CCAR1: variants seen among roughly 807,000 people sequenced by gnomAD.
The protein encoded by CCAR1 is cell division cycle and apoptosis regulator protein 1.
Under a neutral mutation model 163.8 loss-of-function variants are expected in CCAR1, and 78 were observed. The ratio of observed to expected loss-of-function variants is 0.48; its 90% CI spans 0.40 to 0.57. The LOEUF is 0.57. Among genes scored for constraint, CCAR1 ranks in the 20% least tolerant of loss-of-function variants. The pLI, the probability that CCAR1 is intolerant of heterozygous loss-of-function variation, is 0.00. For missense variants in CCAR1, 1,019 were observed against 1,365.2 expected, an observed-to-expected ratio of 0.75 and a Z score of 4.00; for synonymous variants, 443 against 460.7, an observed-to-expected ratio of 0.96 and a Z score of 0.49.
intron 18 of CCAR1, 126 bp from the exon 19 acceptor site, chr10:68,772,862 G>A (rs551626082): frequency 1.2e-5 from 5 of 412,432 alleles, no homozygotes; most frequent in Admixed American, 9.1e-5. Flanking sequence ...TATAATCCTA[G>A]CCCTTCAGAA....
intron 16 of CCAR1, among the ~76,000 whole-genome samples, chr10:68,763,551 G>A (rs536742132): frequency 1.3e-5 from 2 of 151,992 alleles, no homozygotes; most frequent in South Asian, 4.2e-4. Flanking sequence ...GGGTTCAAGC[G>A]ATTCTTGTAC....
Position 68,747,537 on chromosome 10 carries a change from A to G in CCAR1, c.797A>G (p.Gln266Arg). Residue 266 changes from glutamine to arginine, a missense_variant, in exon 8 of 25, where the codon CAG becomes CGG. Around this residue, in one of 4 missense-constraint regions of CCAR1, gnomAD observed 644 missense variants for 904.4 expected, o/e 0.71. Coordinates refer to ENST00000265872, the MANE Select transcript of CCAR1 (RefSeq NM_018237.4). ...ACACCACTATTGCAGACTCAACCAC[A>G]GCCCTTATTACAGCAGCCTCAGCAA... ...SITPLLQTQPQPLLQQPQQKA... is the reference protein window; with the variant it reads ...SITPLLQTQPRPLLQQPQQKA... 1 of 1,613,912 alleles carries G rather than the reference A, an allele frequency of 6.2e-7. No individual in the cohort carries two copies. Among genetic ancestry groups the G allele is most frequent in the Non-Finnish European group, 8.5e-7 (1 of 1,179,950 alleles).
At chr10:68,766,766 C>T (rs2056540876) in intron 17 of CCAR1, among the ~76,000 whole-genome samples, 2 of 152,086 alleles carry the variant, frequency 1.3e-5, no homozygotes, top group Non-Finnish European at 2.9e-5. Flanking sequence ...CTCAGGTGAT[C>T]TGCCCGCCTC....
chr10:68,727,339 AG>A (rs1386624139), intron 2 of CCAR1, among the ~76,000 whole-genome samples: 1 of 152,084 alleles, frequency 6.6e-6, no homozygotes. Context: ...GGCCTCCCAA[AG>A]CTAAGCTAGA....
chr10:68,773,188 AC>A (rs2056624168), intron 19 of CCAR1, 89 bp downstream of exon 19: 1 of 688,950 alleles, frequency 1.5e-6, no homozygotes, highest in East Asian at 3.2e-5. Context: ...TATACTTTTA[AC>A]ATTTTTTTCT....
Position 68,789,807 on chromosome 10 carries a change from AAACTT to A in CCAR1, c.3288_3292del (p.Asn1096LysfsTer11). ...AAAAGGACCTTAGTCAGTTACAAGA[AAACTT>A]AAAGATTTCGGAAAACATGAATTTA... On this transcript the variant is annotated frameshift_variant, in exon 24 of 25. Coordinates refer to ENST00000265872, the MANE Select transcript of CCAR1 (RefSeq NM_018237.4). LOFTEE classifies it high-confidence loss of function. The A allele has an allele frequency of 6.2e-7, 1 of 1,608,040 alleles. No homozygotes were observed. The highest frequency in any genetic ancestry group is 8.5e-7 in the Non-Finnish European group (1 of 1,177,430).
intron 8 of CCAR1, 60 bp from the exon 9 acceptor site, chr10:68,749,076 G>A (rs1366066509): frequency 6.2e-6 from 10 of 1,601,172 alleles, no homozygotes; most frequent in Non-Finnish European, 8.5e-6. Context: ...AATTTTATCA[G>A]GTAATGCCTT....
chr10:68,723,819 G>C (rs1245313088), intron 2 of CCAR1, among the ~76,000 whole-genome samples: 2 of 144,186 alleles, frequency 1.4e-5, no homozygotes, highest in African/African-American at 2.6e-5. Flanking sequence ...CTGCACTTCA[G>C]CCTGGGTGAC....
chr10:68,775,700 T>C (rs1296392033), intron 19 of CCAR1, among the ~76,000 whole-genome samples: 8 of 125,762 alleles, frequency 6.4e-5, no homozygotes, highest in Non-Finnish European at 1.3e-4. Flanking sequence ...TTTTTTTTTT[T>C]TTTTTTTTTT....
intron 21 of CCAR1, 174 bp downstream of exon 21, chr10:68,786,866 G>C (rs2056801061): frequency 2.0e-6 from 1 of 492,856 alleles, no homozygotes; most frequent in African/African-American, 2.1e-5. Context: ...GGGCAGATCA[G>C]TTGAGGCCAG....
chr10:68,732,312 A>T (rs182236236), intron 2 of CCAR1, among the ~76,000 whole-genome samples: 1 of 151,202 alleles, frequency 6.6e-6, no homozygotes, highest in Non-Finnish European at 1.5e-5. Flanking sequence ...TTACATGATA[A>T]TTTTTTTTCT....
Position 68,751,851 on chromosome 10 carries a change from G to A in CCAR1, c.1119-2001G>A, listed in dbSNP as rs1395303259. 5.9e-5 allele frequency among the ~76,000 whole-genome samples: 9 copies of A among 151,454 alleles called. No homozygotes were observed. The East Asian group carries it at 1.8e-3, about 30-fold the overall frequency. ...TGCACTCCAGCCTGGGAGACAGAGGGAGACTGTCTCAAAAAATAAAAAACT... is the reference window on the plus strand; with the variant it reads ...TGCACTCCAGCCTGGGAGACAGAGGAAGACTGTCTCAAAAAATAAAAAACT... On this transcript the variant is annotated intron_variant, in intron 10 of 24. Coordinates refer to ENST00000265872, the MANE Select transcript of CCAR1 (RefSeq NM_018237.4).
At chr10:68,753,335 A>C (rs1156239192) in intron 10 of CCAR1, among the ~76,000 whole-genome samples, 1 of 152,238 alleles carries the variant, frequency 6.6e-6, no homozygotes, top group Non-Finnish European at 1.5e-5. Flanking sequence ...TCCAAGGAAC[A>C]TATGAATTTT....
At chr10:68,737,943 A>G (rs2056133587) in intron 4 of CCAR1, 54 bp downstream of exon 4, 2 of 1,177,190 alleles carry the variant, frequency 1.7e-6, no homozygotes, top group Non-Finnish European at 2.5e-6. Flanking sequence ...CATTTGCTCC[A>G]AAGTTCAATT....
chr10:68,735,321 C>G (rs946290569), intron 2 of CCAR1, among the ~76,000 whole-genome samples: 1 of 150,782 alleles, frequency 6.6e-6, no homozygotes, highest in Non-Finnish European at 1.5e-5. Context: ...TGCACTTCAG[C>G]CTTAGTGACA....
chr10:68,759,719 G>C (rs917774893), intron 15 of CCAR1, among the ~76,000 whole-genome samples: 2 of 151,852 alleles, frequency 1.3e-5, no homozygotes, highest in Non-Finnish European at 2.9e-5. Flanking sequence ...CTCCAGCCTG[G>C]GTGACAGAGC....
At chr10:68,739,948 C>A (rs912098732) in intron 4 of CCAR1, among the ~76,000 whole-genome samples, 1 of 152,134 alleles carries the variant, frequency 6.6e-6, no homozygotes, top group African/African-American at 2.4e-5. Context: ...CATACTAATT[C>A]CTTTTACTTT....
At chr10:68,749,744 A>G (rs1024927312) in intron 10 of CCAR1, 59 bp downstream of exon 10, 1 of 1,422,244 alleles carries the variant, frequency 7.0e-7, no homozygotes, top group African/African-American at 1.4e-5. Context: ...ATTTGATAGA[A>G]TATGTCACAG....
intron 4 of CCAR1, 60 bp downstream of exon 4, chr10:68,737,949 C>A: frequency 9.0e-7 from 1 of 1,116,688 alleles, no homozygotes. Flanking sequence ...CTCCAAAGTT[C>A]AATTGATAGA....
Sources: gnomAD v4.1 joint callset for allele counts (sites outside exome capture counted in the v4.1 genomes callset) on GRCh38, gnomAD v4.1.1 for gene constraint, gnomAD v4.1.1 regional missense constraint, MANE v1.5 for transcripts, NCBI Gene and HGNC (gene_info 2026-07-23, HGNC 2026-07-21) for gene names.